The following CSMD3 variants were observed in gnomAD, a reference collection of about 807,000 sequenced individuals.
The protein encoded by CSMD3 is CUB and Sushi multiple domains 3.
A neutral mutation model predicts 435.2 loss-of-function variants in CSMD3; 177 were observed. The ratio of observed to expected loss-of-function variants is 0.41; its 90% confidence interval spans 0.36 to 0.46. The LOEUF is 0.46. CSMD3 is among the 20% of genes least tolerant of loss of function. The pLI is 0.34. For missense variants in CSMD3, 4,265 were observed against 4,504.6 expected (o/e 0.95, Z 1.52); for synonymous variants, 1,656 against 1,520.5 (o/e 1.09, Z -2.07).
At position 112,990,880 on chromosome 8, in the gene CSMD3, GA is replaced by G. The variant is rs1175436742; in HGVS notation, c.1031-14733del. Among the ~76,000 whole-genome samples the G allele has an allele frequency of 2.6e-5, 4 of 151,878 alleles. No individual in the cohort carries two copies. In the East Asian group the frequency reaches 7.8e-4, roughly 29 times the overall value. On this transcript the variant is annotated intron_variant, in intron 6 of 70. Coordinates refer to ENST00000297405, the MANE Select transcript of CSMD3 (RefSeq NM_198123.2). ...CCACTACATTTCTCTCTTCCCTTCTGAAAACCAAATGTGTTTCTTAAAAGAA... is the reference window on the plus strand; with the variant it reads ...CCACTACATTTCTCTCTTCCCTTCTGAAACCAAATGTGTTTCTTAAAAGAA...
At chr8:113,426,894 C>A (rs929310195) in intron 1 of CSMD3, among the ~76,000 whole-genome samples, 2 of 151,324 alleles carry the variant, frequency 1.3e-5, no homozygotes, top group Non-Finnish European at 3.0e-5. Context: ...GGGACTTGAC[C>A]AACCTTGGAG....
At chr8:112,782,742 G>A (rs2078423373) in intron 13 of CSMD3, among the ~76,000 whole-genome samples, 1 of 151,862 alleles carries the variant, frequency 6.6e-6, no homozygotes. Context: ...ACTATGCCTG[G>A]AATCAGATTT....
chr8:113,350,738 A>T (rs1269997735), intron 1 of CSMD3, among the ~76,000 whole-genome samples: 1 of 152,054 alleles, frequency 6.6e-6, no homozygotes, highest in Non-Finnish European at 1.5e-5. Flanking sequence ...AGCCTACCTA[A>T]TATTCTTTGT....
At chr8:112,859,336 G>A (rs2129864130) in intron 10 of CSMD3, 70 bp from the exon 11 acceptor site, 1 of 1,280,404 alleles carries the variant, frequency 7.8e-7, no homozygotes, top group African/African-American at 1.5e-5. Flanking sequence ...AAAATATCTT[G>A]CAAATAGACT....
At chr8:113,148,614 T>C (rs1427581214) in intron 4 of CSMD3, among the ~76,000 whole-genome samples, 1 of 151,688 alleles carries the variant, frequency 6.6e-6, no homozygotes, top group Non-Finnish European at 1.5e-5. Flanking sequence ...GAGCAATGAA[T>C]TAATACAAAA....
chr8:113,364,365 C>T (rs367752800), intron 1 of CSMD3, among the ~76,000 whole-genome samples: 9 of 151,796 alleles, frequency 5.9e-5, no homozygotes, highest in East Asian at 5.8e-4. Context: ...TACTGCTTTA[C>T]CTTTACATTT....
At chr8:113,371,620 C>T (rs2094346559) in intron 1 of CSMD3, among the ~76,000 whole-genome samples, 1 of 152,110 alleles carries the variant, frequency 6.6e-6, no homozygotes, top group South Asian at 2.1e-4. Context: ...TAATGTGAGT[C>T]AATAACAGTG....
intron 45 of CSMD3, among the ~76,000 whole-genome samples, chr8:112,333,547 T>A (rs1824274631): frequency 6.6e-6 from 1 of 152,166 alleles, no homozygotes; most frequent in Admixed American, 6.5e-5. Flanking sequence ...GTGAAACATT[T>A]TGAAATGAGG....
intron 2 of CSMD3, 62 bp from the exon 3 acceptor site, chr8:113,278,766 G>A (rs1471062610): frequency 1.2e-6 from 1 of 810,728 alleles, no homozygotes; most frequent in Non-Finnish European, 2.2e-6. Context: ...TTTTTAAGAA[G>A]GATTAAAGTC....
rs77274509 is a variant in CSMD3 at position 113,273,243 on chromosome 8, C to T, written c.514+5349G>A. On this transcript the variant is annotated intron_variant, in intron 3 of 70. Coordinates refer to ENST00000297405, the MANE Select transcript of CSMD3 (RefSeq NM_198123.2). The stretch of plus-strand genomic sequence containing the variant: ...TGAACTTAAGTGACTTCTAACTTCA[C>T]ATTTTAAGTTAGTTTCCTTTGTCTA... 2.6e-3 allele frequency among the ~76,000 whole-genome samples: 398 copies of T among 152,084 alleles called. 2 individuals are homozygous for T. Among genetic ancestry groups the T allele is most frequent in the African/African-American group, 9.0e-3 (375 of 41,528 alleles).
At chr8:112,892,917 C>T (rs114475476) in intron 10 of CSMD3, among the ~76,000 whole-genome samples, 1 of 151,296 alleles carries the variant, frequency 6.6e-6, no homozygotes, top group African/African-American at 2.4e-5. Flanking sequence ...TCTCCAGAGC[C>T]CAGAATCGTA....
At chr8:112,563,220 A>T (rs967135278) in intron 24 of CSMD3, among the ~76,000 whole-genome samples, 1 of 151,810 alleles carries the variant, frequency 6.6e-6, no homozygotes, top group Non-Finnish European at 1.5e-5. Context: ...TTGACACAAC[A>T]TGTATTTCTC....
At chr8:113,059,631 G>C (rs549609428) in intron 5 of CSMD3, among the ~76,000 whole-genome samples, 1 of 152,144 alleles carries the variant, frequency 6.6e-6, no homozygotes, top group African/African-American at 2.4e-5. Flanking sequence ...TGTTGAAAAA[G>C]ATCTGAGGTT....
chr8:112,923,065 A>C (rs1031162991), intron 9 of CSMD3, among the ~76,000 whole-genome samples: 21 of 152,130 alleles, frequency 1.4e-4, no homozygotes, highest in Non-Finnish European at 1.9e-4. Context: ...TCCTGTCAGC[A>C]ACACATTAGA....
chr8:112,847,078 GTTAAGACTGCCAACCTGGCT>G (rs1362254551), intron 11 of CSMD3, among the ~76,000 whole-genome samples: 1 of 151,992 alleles, frequency 6.6e-6, no homozygotes. Flanking sequence ...ATCATGCTTT[GTTAAGACTGCCAACCTGGCT>G]TTAATTTCAG....
At chr8:113,242,104 T>C (rs1184737309) in intron 3 of CSMD3, among the ~76,000 whole-genome samples, 5 of 151,586 alleles carry the variant, frequency 3.3e-5, no homozygotes, top group African/African-American at 1.2e-4. Flanking sequence ...AAAATGAAAA[T>C]ACATTATTAA....
At chr8:112,964,063 C>T (rs1191819301) in intron 7 of CSMD3, among the ~76,000 whole-genome samples, 1 of 151,846 alleles carries the variant, frequency 6.6e-6, no homozygotes, top group African/African-American at 2.4e-5. Flanking sequence ...GCATTAGGTA[C>T]TCTATGTGTA....
intron 38 of CSMD3, among the ~76,000 whole-genome samples, chr8:112,359,685 AAGTC>A (rs1411100490): frequency 4.6e-5 from 7 of 152,086 alleles, no homozygotes; most frequent in Non-Finnish European, 7.4e-5. Context: ...TTAGATTAGA[AAGTC>A]AGGCAGTAAA....
intron 1 of CSMD3, among the ~76,000 whole-genome samples, chr8:113,366,062 C>A (rs1295973226): frequency 6.6e-6 from 1 of 151,982 alleles, no homozygotes; most frequent in East Asian, 1.9e-4. Flanking sequence ...CCTAAGACTG[C>A]ATCTGTTTCA....
Sources: allele counts gnomAD v4.1 joint callset (sites outside exome capture counted in the v4.1 genomes callset), GRCh38; gene constraint gnomAD v4.1.1; transcripts MANE v1.5; gene names NCBI Gene and HGNC (gene_info 2026-07-23, HGNC 2026-07-21).